CDK5RAP2: variants seen among roughly 807,000 people sequenced by gnomAD.
CDK5RAP2 encodes the protein CDK5 regulatory subunit associated protein 2.
Under a neutral mutation model 232.9 loss-of-function variants are expected in CDK5RAP2, and 147 were observed. The observed-to-expected ratio is 0.63, with a 90% CI of 0.55 to 0.72. The LOEUF is 0.72. CDK5RAP2 is among the 30% of genes least tolerant of loss of function. The probability of loss-of-function intolerance (pLI) is 0.00; values close to 1 mark genes in which losing one functional copy is unlikely to be tolerated. For missense variants in CDK5RAP2, 2,195 were observed against 2,231.5 expected, an observed-to-expected ratio of 0.98 and a Z score of 0.33; for synonymous variants, 833 against 833.7, an observed-to-expected ratio of 1.00 and a Z score of 0.01.
chr9:120,568,666 T>C (rs1000272663), intron 2 of CDK5RAP2, among the ~76,000 whole-genome samples: 6 of 152,242 alleles, frequency 3.9e-5, no homozygotes, highest in Non-Finnish European at 8.8e-5. Flanking sequence ...TGTCCTGATA[T>C]GTACTTCCTT....
At chr9:120,493,579 T>C (rs942561051) in intron 12 of CDK5RAP2, among the ~76,000 whole-genome samples, 2 of 152,206 alleles carry the variant, frequency 1.3e-5, no homozygotes, top group Non-Finnish European at 2.9e-5. Flanking sequence ...TGATGTAACA[T>C]TGCCAAAAAA....
intron 25 of CDK5RAP2, among the ~76,000 whole-genome samples, chr9:120,425,010 T>C (rs559258754): frequency 1.8e-4 from 27 of 152,138 alleles, no homozygotes; most frequent in Non-Finnish European, 3.5e-4. Flanking sequence ...TTCACATTGT[T>C]CTTTAGTTGT....
intron 12 of CDK5RAP2, among the ~76,000 whole-genome samples, chr9:120,515,588 C>T (rs2040298190): frequency 6.6e-6 from 1 of 152,056 alleles, no homozygotes; most frequent in African/African-American, 2.4e-5. Flanking sequence ...TAAACTAGTG[C>T]ACTCTAACAT....
At chr9:120,408,289 G>A in intron 31 of CDK5RAP2, 58 bp downstream of exon 31, 1 of 1,608,096 alleles carries the variant, frequency 6.2e-7, no homozygotes, top group South Asian at 1.1e-5. Context: ...ACAGCCAGCT[G>A]TCGGGTGGTC....
At chr9:120,431,657 T>C (rs2035293387) in intron 25 of CDK5RAP2, among the ~76,000 whole-genome samples, 1 of 152,300 alleles carries the variant, frequency 6.6e-6, no homozygotes, top group Admixed American at 6.5e-5. Flanking sequence ...GAAACCAATG[T>C]TTCAGGTTCA....
At chr9:120,398,576 T>C (rs1174357898) in intron 35 of CDK5RAP2, among the ~76,000 whole-genome samples, 1 of 152,218 alleles carries the variant, frequency 6.6e-6, no homozygotes, top group East Asian at 1.9e-4. Flanking sequence ...TCATTTTGAT[T>C]TTTTATAATC....
intron 12 of CDK5RAP2, among the ~76,000 whole-genome samples, chr9:120,507,942 A>AATATATATATATAT (rs1157642617): frequency 4.0e-4 from 13 of 32,548 alleles, no homozygotes; most frequent in African/African-American, 1.4e-3. Flanking sequence ...AAAAAAAAAA[A>AATATATATATATAT]ATATATATAT....
intron 28 of CDK5RAP2, among the ~76,000 whole-genome samples, chr9:120,413,829 GAGGAGGGAGGAGGGA>G (rs1564186715): frequency 1.0e-5 from 1 of 96,222 alleles, no homozygotes; most frequent in African/African-American, 4.6e-5. Flanking sequence ...AGGGAGGAGG[GAGGAGGGAGGAGGGA>G]AGGAGGAGGG....
rs1327626759 is a variant in CDK5RAP2, at chr9:120,400,778, G to C, written c.5415C>G (p.Leu1805=). The change falls in exon 35 of 38, where the codon CTC becomes CTG. Residue 1805 remains leucine, a synonymous_variant. Transcript: ENST00000349780. ...GAAGGGGGCACTGGCCATCCTCGGGGAGTGAGACTCTCCAGAGAAGCTTCA... is the reference window on the plus strand; with the variant it reads ...GAAGGGGGCACTGGCCATCCTCGGGCAGTGAGACTCTCCAGAGAAGCTTCA... The part of the protein sequence containing the change: ...RRLKLLWRVS[L]PEDGQCPLHC... 6.2e-7 allele frequency: 1 copy of C among 1,614,070 alleles called. No individual in the cohort carries two copies. The highest frequency in any genetic ancestry group is 8.5e-7 in the Non-Finnish European group (1 of 1,180,034).
chr9:120,507,928 AAAAAAAAAAAAAAAATATAT>A (rs1564313549), intron 12 of CDK5RAP2, among the ~76,000 whole-genome samples: 2 of 70,516 alleles, frequency 2.8e-5, no homozygotes, highest in East Asian at 3.3e-4. Context: ...AAAAAAAAAA[AAAAAAAAAAAAAAAATATAT>A]ATATATATAT....
chr9:120,426,395 G>A (rs1324454677), intron 25 of CDK5RAP2, among the ~76,000 whole-genome samples: 2 of 152,148 alleles, frequency 1.3e-5, no homozygotes, highest in African/African-American at 2.4e-5. Flanking sequence ...GGTCTGGTCC[G>A]GAAAGGCAGG....
rs761750648 is a variant in CDK5RAP2 at position 120,439,449 on chromosome 9, G to A, written c.3672C>T (p.Phe1224=). The change falls in exon 24 of 38, where the codon TTC becomes TTT. Residue 1224 remains phenylalanine (F), a synonymous_variant. Transcript: ENST00000349780. The stretch of plus-strand genomic sequence containing the variant: ...TATTCTGCAGATTATGGATCTCACT[G>A]AAAAGTTGCATGTTCAAATTCTGCT... The part of the protein sequence containing the change: ...QKEQNLNMQL[F]SEIHNLQNKF... 6.2e-7 allele frequency: 1 copy of A among 1,614,186 alleles called. No homozygotes were observed. The highest frequency in any genetic ancestry group is 1.1e-5 in the South Asian group (1 of 91,088).
At chr9:120,523,666 C>A (rs1269908288) in intron 11 of CDK5RAP2, among the ~76,000 whole-genome samples, 1 of 152,178 alleles carries the variant, frequency 6.6e-6, no homozygotes, top group African/African-American at 2.4e-5. Flanking sequence ...TAACTTCTAA[C>A]TTCTACGTTA....
intron 14 of CDK5RAP2, among the ~76,000 whole-genome samples, chr9:120,487,057 C>T (rs766430900): frequency 6.6e-6 from 1 of 152,130 alleles, no homozygotes; most frequent in Non-Finnish European, 1.5e-5. Context: ...GCAAATGAGG[C>T]TTCTGGTTTA....
intron 11 of CDK5RAP2, among the ~76,000 whole-genome samples, chr9:120,524,673 G>A (rs993124748): frequency 1.1e-4 from 17 of 151,894 alleles, no homozygotes; most frequent in African/African-American, 4.1e-4. Context: ...CAAGAGGGAT[G>A]ATGACTACCT....
Position 120,437,547 on chromosome 9 carries a change from A to G in CDK5RAP2, c.3723-20T>C. On this transcript the variant is annotated intron_variant, in intron 24 of 37. Coordinates refer to ENST00000349780, the MANE Select transcript of CDK5RAP2 (RefSeq NM_018249.6). ...TCGTATCTGATAAAAGAGGGGAAAGAAAATACTTGGACCATTTTAGAATTG... is the reference window on the plus strand; with the variant it reads ...TCGTATCTGATAAAAGAGGGGAAAGGAAATACTTGGACCATTTTAGAATTG... 1 of 1,557,900 alleles carries G rather than the reference A, an allele frequency of 6.4e-7. No individual in the cohort carries two copies. Among genetic ancestry groups the G allele is most frequent in the Non-Finnish European group, 8.9e-7 (1 of 1,128,784 alleles).
At chr9:120,410,342 T>C (rs2033770534) in intron 29 of CDK5RAP2, among the ~76,000 whole-genome samples, 4 of 152,200 alleles carry the variant, frequency 2.6e-5, no homozygotes, top group Admixed American at 2.6e-4. Flanking sequence ...TGGGACTTTG[T>C]CTGCTCTCTT....
chr9:120,402,993 G>A lies in CDK5RAP2; in HGVS notation c.5120C>T (p.Pro1707Leu), dbSNP rs532418421. Residue 1707 changes from proline (P) to leucine (L), a missense_variant, in exon 34 of 38, where the codon CCG becomes CTG. Physicochemically the swap from Pro to Leu is moderately conservative, Grantham distance 98 (BLOSUM62 -3). Transcript: ENST00000349780. ...CDSGSSATST[P>L]CVSRLVTGHH... ...GCCAGTGACCAGGCGGGACACACAC[G>A]GAGTGCTAGTTGCCGAACTGCCACT... 3.3e-5 allele frequency: 53 copies of A among 1,614,172 alleles called. No homozygotes were observed. The highest frequency in any genetic ancestry group is 1.6e-4 in the Middle Eastern group (1 of 6,062).
At chr9:120,572,976 C>A (rs531748418) in intron 1 of CDK5RAP2, among the ~76,000 whole-genome samples, 3 of 152,238 alleles carry the variant, frequency 2.0e-5, no homozygotes, top group African/African-American at 4.8e-5. Context: ...GCCAGGGTCA[C>A]ATGGCGGTTC....
Sources: gnomAD v4.1 joint callset for allele counts (sites outside exome capture counted in the v4.1 genomes callset) on GRCh38, gnomAD v4.1.1 for gene constraint, MANE v1.5 for transcripts, NCBI Gene and HGNC (gene_info 2026-07-23, HGNC 2026-07-21) for gene names.